ZNF385D: variants seen among roughly 807,000 people sequenced by gnomAD.
The protein encoded by ZNF385D is zinc finger protein 659.
ZNF385D carries 15 observed loss-of-function variants against 35.8 expected under a neutral mutation model. The ratio of observed to expected loss-of-function variants is 0.42; its 90% CI spans 0.28 to 0.64. ZNF385D has a LOEUF of 0.64. Ranked by LOEUF, ZNF385D falls within the 30% of genes least tolerant of loss-of-function variation. The probability of loss-of-function intolerance (pLI) is 0.23; values close to 1 mark genes in which losing one functional copy is unlikely to be tolerated. For synonymous variants in ZNF385D, 212 were observed against 186.8 expected (o/e 1.13, Z -1.10); for missense variants, 474 against 494.6 (o/e 0.96, Z 0.39).
intron 3 of ZNF385D, among the ~76,000 whole-genome samples, chr3:22,080,061 A>C (rs943741847): frequency 6.6e-6 from 1 of 152,172 alleles, no homozygotes; most frequent in Non-Finnish European, 1.5e-5. Context: ...ACCTATGTTA[A>C]TGAAGACACA....
chr3:21,635,234 C>G (rs1200830743), intron 2 of ZNF385D, among the ~76,000 whole-genome samples: 1 of 151,900 alleles, frequency 6.6e-6, no homozygotes, highest in African/African-American at 2.4e-5. Flanking sequence ...GAAATGTGTT[C>G]CACAAATGTC....
chr3:22,180,461 A>T (rs145345801), intron 2 of ZNF385D, among the ~76,000 whole-genome samples: 2 of 152,330 alleles, frequency 1.3e-5, no homozygotes, highest in African/African-American at 4.8e-5. Context: ...CTGATACCAA[A>T]GCCTGGCAGA....
rs191101179 is a variant in ZNF385D at position 21,603,210 on chromosome 3, T to A, written c.166-38526A>T. Among the ~76,000 whole-genome samples, 7 of 152,360 alleles carry A rather than the reference T, an allele frequency of 4.6e-5. No homozygotes were observed. The East Asian group carries it at 1.3e-3, about 29-fold the overall frequency. On this transcript the variant is annotated intron_variant, in intron 2 of 7. Transcript: ENST00000281523. ...AAAGAGGTATGTGATTTAACTAGGC[T>A]ATTAAAAGGTTGATTAATATCTAGT... is the stretch of plus-strand genomic sequence containing the variant.
At chr3:22,227,612 G>C (rs1382765666) in intron 2 of ZNF385D, among the ~76,000 whole-genome samples, 3 of 152,144 alleles carry the variant, frequency 2.0e-5, no homozygotes, top group Non-Finnish European at 4.4e-5. Flanking sequence ...TCAGCCACCA[G>C]ACCAGATTGA....
intron 4 of ZNF385D, among the ~76,000 whole-genome samples, chr3:21,497,048 A>G (rs1705954881): frequency 6.6e-6 from 1 of 152,154 alleles, no homozygotes; most frequent in Admixed American, 6.6e-5. Flanking sequence ...AATCCTGGCC[A>G]GAGCAATCAG....
At chr3:21,921,222 C>CAAAAAAA (rs11387962) in intron 3 of ZNF385D, among the ~76,000 whole-genome samples, 3 of 68,954 alleles carry the variant, frequency 4.4e-5, no homozygotes, top group African/African-American at 5.6e-5. Context: ...GACTCCATCT[C>CAAAAAAA]AAAAAAAAAA....
chr3:21,780,871 T>C (rs2071463106), intron 3 of ZNF385D, among the ~76,000 whole-genome samples: 1 of 152,034 alleles, frequency 6.6e-6, no homozygotes, highest in South Asian at 2.1e-4. Flanking sequence ...CAGCTTTGGT[T>C]GTCCAAAATG....
intron 2 of ZNF385D, among the ~76,000 whole-genome samples, chr3:22,177,933 T>C (rs533870972): frequency 3.9e-5 from 6 of 152,326 alleles, no homozygotes; most frequent in South Asian, 2.1e-4. Context: ...TTTATGGCTG[T>C]ACAGTATTCC....
chr3:22,302,433 T>A (rs1480921486), intron 2 of ZNF385D, among the ~76,000 whole-genome samples: 3 of 151,850 alleles, frequency 2.0e-5, no homozygotes, highest in Non-Finnish European at 4.4e-5. Context: ...ATTTTCCTCT[T>A]CTGTGAATGT....
At chr3:22,127,526 G>T (rs1287068529) in intron 3 of ZNF385D, among the ~76,000 whole-genome samples, 5 of 151,550 alleles carry the variant, frequency 3.3e-5, no homozygotes, top group Non-Finnish European at 7.4e-5. Flanking sequence ...TTTTAGTAGA[G>T]ATGGGGTTTC....
At position 21,421,388 on chromosome 3, in the gene ZNF385D, A is replaced by T; in HGVS notation, c.1014T>A (p.Asn338Lys). ...CTGCGGCTGCTGCAGCTGCTAGAGGATTTGGTAGAATTCGTGGAGCCAATG... is the reference window on the plus strand; with the variant it reads ...CTGCGGCTGCTGCAGCTGCTAGAGGTTTTGGTAGAATTCGTGGAGCCAATG... ...SKPLAPRILP[N>K]PLAAAAAAAA... is the part of the protein sequence containing the mutation. Residue 338 changes from asparagine (N) to lysine (K), a missense_variant, in exon 8 of 8, where the codon AAT becomes AAA. By Grantham distance (94) the Asn-to-Lys change is moderately conservative. Coordinates refer to ENST00000281523, the MANE Select transcript of ZNF385D (RefSeq NM_024697.3). The T allele has an allele frequency of 6.2e-7, 1 of 1,613,028 alleles. No homozygotes were observed. Among genetic ancestry groups the T allele is most frequent in the Non-Finnish European group, 8.5e-7 (1 of 1,179,452 alleles).
At chr3:22,333,285 G>C (rs1453549278) in intron 2 of ZNF385D, among the ~76,000 whole-genome samples, 2 of 151,984 alleles carry the variant, frequency 1.3e-5, no homozygotes, top group African/African-American at 2.4e-5. Flanking sequence ...ATTTTGTTTA[G>C]TCTTTATCCA....
At chr3:21,716,250 C>G (rs559461674) in intron 1 of ZNF385D, among the ~76,000 whole-genome samples, 2 of 152,046 alleles carry the variant, frequency 1.3e-5, no homozygotes, top group African/African-American at 4.8e-5. Flanking sequence ...ATTCCCAACA[C>G]AGCAGCCACA....
chr3:22,304,199 A>G (rs918103017), intron 2 of ZNF385D, among the ~76,000 whole-genome samples: 2 of 152,212 alleles, frequency 1.3e-5, no homozygotes, highest in Admixed American at 6.5e-5. Flanking sequence ...TGTTTTCTCT[A>G]AAGAATATCC....
intron 2 of ZNF385D, among the ~76,000 whole-genome samples, chr3:21,648,474 T>C (rs540334334): frequency 2.2e-4 from 33 of 152,288 alleles, no homozygotes; most frequent in African/African-American, 7.7e-4. Context: ...CTAGGACATG[T>C]AGGCAGTTCT....
chr3:21,505,917 C>T (rs892301304), intron 4 of ZNF385D, among the ~76,000 whole-genome samples: 4 of 152,046 alleles, frequency 2.6e-5, no homozygotes, highest in East Asian at 1.9e-4. Flanking sequence ...CTTGGCCAAC[C>T]GTTTCAGCAT....
intron 2 of ZNF385D, among the ~76,000 whole-genome samples, chr3:21,585,989 C>A (rs777168982): frequency 2.6e-5 from 4 of 151,830 alleles, no homozygotes; most frequent in Middle Eastern, 3.2e-3. Flanking sequence ...GGCAACATAG[C>A]AAGACCCCAT....
At chr3:21,939,112 A>G (rs1467579868) in intron 3 of ZNF385D, among the ~76,000 whole-genome samples, 2 of 152,204 alleles carry the variant, frequency 1.3e-5, no homozygotes, top group African/African-American at 2.4e-5. Context: ...AAAGACAAAG[A>G]CAAGTGGAGA....
At chr3:22,023,548 C>T (rs180682179) in intron 3 of ZNF385D, among the ~76,000 whole-genome samples, 60 of 152,190 alleles carry the variant, frequency 3.9e-4, no homozygotes, top group Non-Finnish European at 6.5e-4. Context: ...TGCTTCTTCC[C>T]TCTGCACATT....
Sources: allele counts gnomAD v4.1 joint callset (sites outside exome capture counted in the v4.1 genomes callset), GRCh38; gene constraint gnomAD v4.1.1; transcripts MANE v1.5; gene names NCBI Gene and HGNC (gene_info 2026-07-23, HGNC 2026-07-21).